Variants in CSMD1 observed in about 807,000 individuals in gnomAD.
The protein encoded by CSMD1 is CUB and Sushi multiple domains 1, also known as CUB and sushi domain-containing protein 1.
CSMD1 carries 213 observed loss-of-function variants against 417.5 expected under a neutral mutation model. The ratio of observed to expected loss-of-function variants is 0.51; its 90% CI spans 0.46 to 0.57. The LOEUF is 0.57. Among genes scored for constraint, CSMD1 ranks in the 20% least tolerant of loss-of-function variants. The pLI is 0.00. For synonymous variants in CSMD1, 2,862 were observed against 1,736.8 expected (o/e 1.65, Z -16.11); for missense variants, 6,923 against 4,529.7 (o/e 1.53, Z -15.17).
chr8:3,426,972 T>C (rs1008008088), intron 12 of CSMD1, among the ~76,000 whole-genome samples: 1 of 152,188 alleles, frequency 6.6e-6, no homozygotes, highest in Non-Finnish European at 1.5e-5. Flanking sequence ...GCAAAGTGCC[T>C]TCTTCACAAG....
intron 1 of CSMD1, among the ~76,000 whole-genome samples, chr8:4,759,267 G>A (rs1811869036): frequency 6.6e-6 from 1 of 152,116 alleles, no homozygotes; most frequent in Admixed American, 6.5e-5. Flanking sequence ...CCCTCAGGAA[G>A]GATGCCACCA....
chr8:4,322,826 C>G (rs1041813142), intron 3 of CSMD1, among the ~76,000 whole-genome samples: 3 of 152,102 alleles, frequency 2.0e-5, no homozygotes, highest in African/African-American at 4.8e-5. Flanking sequence ...GAAACCCCAA[C>G]TCTCCTACAA....
intron 3 of CSMD1, among the ~76,000 whole-genome samples, chr8:4,277,365 C>T (rs1209328679): frequency 2.6e-5 from 4 of 152,156 alleles, no homozygotes; most frequent in Admixed American, 1.3e-4. Context: ...TTTCGTGCCT[C>T]ATCTCTGAAT....
chr8:2,965,188 T>A (rs1803850185), intron 59 of CSMD1, among the ~76,000 whole-genome samples: 1 of 152,140 alleles, frequency 6.6e-6, no homozygotes, highest in African/African-American at 2.4e-5. Context: ...CCAAGCCCAC[T>A]CACTCTGCTT....
intron 1 of CSMD1, among the ~76,000 whole-genome samples, chr8:4,890,082 G>T (rs908342616): frequency 6.6e-6 from 1 of 152,118 alleles, no homozygotes; most frequent in East Asian, 1.9e-4. Flanking sequence ...CAGTTTATAC[G>T]TCAGAAACTA....
At chr8:4,136,586 T>C (rs1163910150) in intron 3 of CSMD1, among the ~76,000 whole-genome samples, 2 of 152,324 alleles carry the variant, frequency 1.3e-5, no homozygotes, top group East Asian at 1.9e-4. Context: ...TTTCAGAAGA[T>C]GCCAATTCCA....
intron 41 of CSMD1, among the ~76,000 whole-genome samples, chr8:3,136,582 T>C (rs76155183): frequency 0.042 from 6,462 of 152,112 alleles, 339 homozygotes; most frequent in African/African-American, 0.12. Context: ...TTCGGATTTC[T>C]GGTAGCGACG....
At chr8:3,330,993 G>A (rs961493111) in intron 23 of CSMD1, among the ~76,000 whole-genome samples, 7 of 152,254 alleles carry the variant, frequency 4.6e-5, no homozygotes, top group African/African-American at 1.7e-4. Flanking sequence ...GCTCACGCCT[G>A]TAATCCCAGG....
chr8:4,527,061 G>C (rs898146728), intron 2 of CSMD1, among the ~76,000 whole-genome samples: 2 of 152,104 alleles, frequency 1.3e-5, no homozygotes, highest in African/African-American at 4.8e-5. Context: ...TTCTTTGTGT[G>C]TCTGGATCCA....
chr8:4,515,560 A>T (rs1479657550), intron 2 of CSMD1, among the ~76,000 whole-genome samples: 2 of 152,232 alleles, frequency 1.3e-5, no homozygotes, highest in Non-Finnish European at 2.9e-5. Flanking sequence ...GGATAAACCC[A>T]GTTAAATTCA....
At chr8:3,602,455 T>G (rs763451615) in intron 8 of CSMD1, among the ~76,000 whole-genome samples, 26 of 152,184 alleles carry the variant, frequency 1.7e-4, no homozygotes, top group Non-Finnish European at 3.2e-4. Flanking sequence ...CCAAAATCAA[T>G]GCACTGGTTG....
At chr8:3,939,877 G>T (rs1444957736) in intron 5 of CSMD1, among the ~76,000 whole-genome samples, 2 of 151,906 alleles carry the variant, frequency 1.3e-5, no homozygotes, top group African/African-American at 2.4e-5. Context: ...GTAGGAAGCG[G>T]GTGAGGGAAT....
intron 5 of CSMD1, among the ~76,000 whole-genome samples, chr8:3,789,442 GTTT>G (rs34045957): frequency 0.11 from 13,273 of 115,500 alleles, 1,170 homozygotes; most frequent in African/African-American, 0.26. Flanking sequence ...TTTTTTAAGT[GTTT>G]TTTTTTTTTT....
At chr8:4,232,029 A>G (rs1488707862) in intron 3 of CSMD1, among the ~76,000 whole-genome samples, 1 of 152,180 alleles carries the variant, frequency 6.6e-6, no homozygotes, top group Non-Finnish European at 1.5e-5. Flanking sequence ...GTATGAAACA[A>G]TATGTTGGCC....
rs140561319 is a variant in CSMD1, at chr8:3,758,640, C to G, written c.819-4598G>C. 1.7e-3 allele frequency among the ~76,000 whole-genome samples: 263 copies of G among 152,280 alleles called. 3 individuals are homozygous for G. In the Middle Eastern group the frequency reaches 0.034, roughly 20 times the overall value. Reference sequence around the variant, plus strand: ...CAAATTAGGTGAAATTGTGAACTCTCTAACAACTTGGTGTTTCAGTTGAGA... The same window carrying G: ...CAAATTAGGTGAAATTGTGAACTCTGTAACAACTTGGTGTTTCAGTTGAGA... On this transcript the variant is annotated intron_variant, in intron 5 of 69. Coordinates refer to ENST00000635120, the MANE Select transcript of CSMD1 (RefSeq NM_033225.6).
chr8:2,960,400 G>T (rs1027309053), intron 62 of CSMD1, among the ~76,000 whole-genome samples: 4 of 152,102 alleles, frequency 2.6e-5, no homozygotes, highest in East Asian at 1.9e-4. Context: ...TGAGGAAGAA[G>T]GTTTTTTATT....
At chr8:4,107,248 A>G (rs994128732) in intron 3 of CSMD1, among the ~76,000 whole-genome samples, 1 of 152,230 alleles carries the variant, frequency 6.6e-6, no homozygotes, top group Non-Finnish European at 1.5e-5. Flanking sequence ...ATGGAAACCC[A>G]GTTCCAGCTG....
At chr8:3,318,834 G>C (rs1340699404) in intron 23 of CSMD1, among the ~76,000 whole-genome samples, 1 of 152,156 alleles carries the variant, frequency 6.6e-6, no homozygotes, top group Non-Finnish European at 1.5e-5. Context: ...AAATGCAGCT[G>C]CTTCCAAAGG....
chr8:3,314,808 A>C (rs1805624444), intron 23 of CSMD1, among the ~76,000 whole-genome samples: 1 of 152,192 alleles, frequency 6.6e-6, no homozygotes, highest in Non-Finnish European at 1.5e-5. Context: ...AAGTATTCGG[A>C]TTAGTTCTTA....
Sources: gnomAD v4.1 joint callset for allele counts (sites outside exome capture counted in the v4.1 genomes callset) on GRCh38, gnomAD v4.1.1 for gene constraint, MANE v1.5 for transcripts, NCBI Gene and HGNC (gene_info 2026-07-23, HGNC 2026-07-21) for gene names.